PIP5K1B: variants seen among roughly 807,000 people sequenced by gnomAD.
PIP5K1B encodes phosphatidylinositol 4-phosphate 5-kinase type-1 beta.
In PIP5K1B, 42 loss-of-function variants were observed where a neutral mutation model predicts 67.0. The ratio of observed to expected loss-of-function variants is 0.63; its 90% CI spans 0.49 to 0.81. The LOEUF (loss-of-function observed/expected upper bound fraction) is 0.81. PIP5K1B is among the 30% of genes least tolerant of loss of function. The pLI is 0.00. For missense variants in PIP5K1B, 459 were observed against 646.3 expected (o/e 0.71, Z 3.14); for synonymous variants, 214 against 231.4 (o/e 0.92, Z 0.68).
chr9:69,002,749 G>A (rs942615514), intron 15 of PIP5K1B, among the ~76,000 whole-genome samples: 6 of 152,116 alleles, frequency 3.9e-5, no homozygotes, highest in Non-Finnish European at 5.9e-5. Context: ...TTAGGAGGCC[G>A]AGAGGGGCCC....
At chr9:68,788,200 A>G in intron 2 of PIP5K1B, 1 of 314,556 alleles carries the variant, frequency 3.2e-6, no homozygotes, top group Non-Finnish European at 5.9e-6. Flanking sequence ...GGAAAAAGGA[A>G]TGTGTGGGCC....
intron 2 of PIP5K1B, among the ~76,000 whole-genome samples, chr9:68,751,175 G>T (rs185118708): frequency 6.6e-6 from 1 of 152,168 alleles, no homozygotes; most frequent in Non-Finnish European, 1.5e-5. Context: ...TTGTTATAAC[G>T]GTTGTAAGGT....
intron 2 of PIP5K1B, among the ~76,000 whole-genome samples, chr9:68,810,393 C>T (rs1358594330): frequency 6.6e-6 from 1 of 151,330 alleles, no homozygotes. Context: ...ACATGAAACC[C>T]AGGCCTTCGG....
intron 6 of PIP5K1B, among the ~76,000 whole-genome samples, chr9:68,886,333 C>T (rs1824471279): frequency 1.3e-5 from 2 of 152,192 alleles, no homozygotes; most frequent in South Asian, 4.1e-4. Flanking sequence ...TTAATAAACA[C>T]TGAGCTTAAT....
At chr9:68,846,554 T>C (rs754718565) in intron 4 of PIP5K1B, among the ~76,000 whole-genome samples, 11 of 152,172 alleles carry the variant, frequency 7.2e-5, no homozygotes, top group Non-Finnish European at 1.6e-4. Context: ...TGATTTGAGA[T>C]TGGTAAACAG....
chr9:68,711,629 A>G (rs141734025), intron 1 of PIP5K1B, among the ~76,000 whole-genome samples: 75 of 152,356 alleles, frequency 4.9e-4, no homozygotes, highest in African/African-American at 1.7e-3. Context: ...TAGAAATATT[A>G]GGCAGTCTGA....
rs936836940 is a variant in PIP5K1B, at chr9:68,722,600, T to G, written c.-243+16838T>G. 4.5e-4 allele frequency among the ~76,000 whole-genome samples: 68 copies of G among 151,716 alleles called. 1 individual carries two copies. Among genetic ancestry groups the G allele is most frequent in the African/African-American group, 1.5e-3 (62 of 41,450 alleles). Reference sequence around the variant, plus strand: ...TTGGAGGCTCATTTGCTGACCATATTGTTGTTATTTTTATTTCATTTATTA... The same window carrying G: ...TTGGAGGCTCATTTGCTGACCATATGGTTGTTATTTTTATTTCATTTATTA... On this transcript the variant is annotated intron_variant, in intron 1 of 15. Coordinates refer to ENST00000265382, the MANE Select transcript of PIP5K1B (RefSeq NM_003558.4).
intron 14 of PIP5K1B, among the ~76,000 whole-genome samples, chr9:68,954,592 AAAG>A (rs1828286892): frequency 6.6e-6 from 1 of 152,214 alleles, no homozygotes; most frequent in African/African-American, 2.4e-5. Flanking sequence ...GCTATTTTTC[AAAG>A]AGTTCTTTGT....
intron 15 of PIP5K1B, among the ~76,000 whole-genome samples, chr9:68,995,849 A>G (rs1295417977): frequency 2.6e-5 from 4 of 151,780 alleles, no homozygotes; most frequent in Non-Finnish European, 5.9e-5. Context: ...AAAGAAAAGC[A>G]CAAGAAAGGA....
chr9:68,743,083 A>G (rs1258591823), intron 2 of PIP5K1B, among the ~76,000 whole-genome samples: 1 of 152,156 alleles, frequency 6.6e-6, no homozygotes, highest in Non-Finnish European at 1.5e-5. Flanking sequence ...ACTAGGCCCT[A>G]GGAGGGTACA....
intron 2 of PIP5K1B, chr9:68,780,237 G>A: frequency 1.9e-6 from 3 of 1,542,812 alleles, no homozygotes; most frequent in South Asian, 1.3e-5. Flanking sequence ...GGAGGGCGGT[G>A]GCAGCGGCGG....
intron 15 of PIP5K1B, among the ~76,000 whole-genome samples, chr9:68,999,037 C>T (rs868471129): frequency 1.5e-4 from 23 of 152,162 alleles, no homozygotes; most frequent in African/African-American, 5.1e-4. Flanking sequence ...CTGAAGGCTC[C>T]AGGGGAGGAT....
At chr9:68,934,483 G>A (rs893767754) in intron 12 of PIP5K1B, among the ~76,000 whole-genome samples, 8 of 152,158 alleles carry the variant, frequency 5.3e-5, no homozygotes, top group Non-Finnish European at 1.2e-4. Flanking sequence ...AGGGTCGTGA[G>A]AATTCTCTAT....
At chr9:68,756,502 T>C (rs1296985930) in intron 2 of PIP5K1B, among the ~76,000 whole-genome samples, 2 of 152,224 alleles carry the variant, frequency 1.3e-5, no homozygotes, top group African/African-American at 4.8e-5. Context: ...GAGAGTAATT[T>C]TGAACATCTT....
intron 14 of PIP5K1B, among the ~76,000 whole-genome samples, chr9:68,949,188 T>G (rs935649874): frequency 2.6e-5 from 4 of 152,182 alleles, no homozygotes; most frequent in Non-Finnish European, 5.9e-5. Context: ...AAAACACTAG[T>G]GCTATGTCTC....
chr9:68,924,025 A>G (rs994637425), intron 12 of PIP5K1B, among the ~76,000 whole-genome samples: 1 of 151,992 alleles, frequency 6.6e-6, no homozygotes, highest in African/African-American at 2.4e-5. Context: ...AGATGAATGA[A>G]AAGGAAAACA....
At chr9:68,955,980 A>T (rs1828368984) in intron 14 of PIP5K1B, among the ~76,000 whole-genome samples, 1 of 152,208 alleles carries the variant, frequency 6.6e-6, no homozygotes, top group Non-Finnish European at 1.5e-5. Flanking sequence ...GACAAAAGGG[A>T]CTTGCTTAGA....
At chr9:68,773,645 A>G (rs1830770343) in intron 2 of PIP5K1B, among the ~76,000 whole-genome samples, 1 of 152,196 alleles carries the variant, frequency 6.6e-6, no homozygotes, top group Non-Finnish European at 1.5e-5. Context: ...TGTCTCCATA[A>G]GAAGGATATG....
At chr9:68,968,473 C>T (rs1175106268) in intron 14 of PIP5K1B, among the ~76,000 whole-genome samples, 3 of 139,400 alleles carry the variant, frequency 2.2e-5, no homozygotes, top group Non-Finnish European at 4.5e-5. Context: ...GAACCGTAAT[C>T]AGCCTGAGTG....
Sources: gnomAD v4.1 joint callset for allele counts (sites outside exome capture counted in the v4.1 genomes callset) on GRCh38, gnomAD v4.1.1 for gene constraint, MANE v1.5 for transcripts, NCBI Gene and HGNC (gene_info 2026-07-23, HGNC 2026-07-21) for gene names.